The following USO1 variants were observed in gnomAD, a reference collection of about 807,000 sequenced individuals.
The protein encoded by USO1 is general vesicular transport factor p115.
In USO1, 57 loss-of-function variants were observed where a neutral mutation model predicts 124.5. The ratio of observed to expected loss-of-function variants is 0.46; its 90% CI spans 0.37 to 0.57. The LOEUF (loss-of-function observed/expected upper bound fraction) is 0.57, where lower values mean the gene tolerates loss of function less well. Ranked by LOEUF, USO1 falls within the 20% of genes least tolerant of loss-of-function variation. USO1 has a pLI of 0.00. For synonymous variants in USO1, 369 were observed against 362.8 expected (o/e 1.02, Z -0.19); for missense variants, 900 against 1,040.6 (o/e 0.86, Z 1.86).
Position 75,810,441 on chromosome 4 carries a change from G to T in USO1, c.2485G>T (p.Val829Phe). The change falls in exon 22 of 24, where the codon GTT (valine) becomes TTT (phenylalanine). Residue 829 changes from valine to phenylalanine, a missense_variant. Around this residue, in one of 2 missense-constraint regions of USO1, gnomAD observed 362 missense variants for 359.0 expected, o/e 1.01. Coordinates refer to ENST00000514213, the MANE Select transcript of USO1 (RefSeq NM_003715.4). Reference sequence around the variant, plus strand: ...CAATTTCTAATTTCAGGCAAAATCAGTTGAGGTACAAGGAGAGACCGAGAC... The same window carrying T: ...CAATTTCTAATTTCAGGCAAAATCATTTGAGGTACAAGGAGAGACCGAGAC... ...LQKTEAFAKS[V>F]EVQGETETII... The T allele has an allele frequency of 6.2e-7, 1 of 1,606,994 alleles. No homozygotes were observed. Among genetic ancestry groups the T allele is most frequent in the Admixed American group, 1.7e-5 (1 of 58,552 alleles).
intron 21 of USO1, 124 bp downstream of exon 21, chr4:75,809,175 CGG>C (rs1366327093): frequency 5.6e-4 from 63 of 111,624 alleles, no homozygotes; most frequent in Non-Finnish European, 9.1e-4. Flanking sequence ...ACTTACTAGC[CGG>C]TATTCTAGTA....
chr4:75,790,323 T>C, intron 11 of USO1, 85 bp downstream of exon 11: 1 of 1,456,166 alleles, frequency 6.9e-7, no homozygotes. Context: ...TCTTACTCTT[T>C]TTAAAGAAGT....
At chr4:75,781,408 G>A (rs1481573836) in intron 8 of USO1, among the ~76,000 whole-genome samples, 1 of 152,198 alleles carries the variant, frequency 6.6e-6, no homozygotes, top group Non-Finnish European at 1.5e-5. Flanking sequence ...ATAAAGCAGT[G>A]TCAGGGTTTG....
chr4:75,800,248 TTTC>T, intron 14 of USO1, 100 bp from the exon 15 acceptor site: 8 of 1,360,326 alleles, frequency 5.9e-6, no homozygotes, highest in Non-Finnish European at 5.9e-6. Context: ...ATATATGGAA[TTTC>T]TTATGGGAAC....
chr4:75,813,231 C>A lies in USO1; in HGVS notation c.2825C>A (p.Ser942Tyr). 1 of 1,610,392 alleles carries A rather than the reference C, an allele frequency of 6.2e-7. No individual in the cohort carries two copies. The highest frequency in any genetic ancestry group is 1.1e-5 in the South Asian group (1 of 90,242). ...HPVEEEDELE[S>Y]GDQEDEDDES... ...GTTGAAGAAGAGGATGAACTTGAAT[C>A]TGGAGACCAAGAGGATGAGGATGAT... Residue 942 changes from serine (S) to tyrosine (Y), a missense_variant, in exon 24 of 24, where the codon TCT becomes TAT. By Grantham distance (144) the Ser-to-Tyr change is moderately radical. Around this residue, in one of 2 missense-constraint regions of USO1, gnomAD observed 362 missense variants for 359.0 expected, o/e 1.01. Coordinates refer to ENST00000514213, the MANE Select transcript of USO1 (RefSeq NM_003715.4).
intron 1 of USO1, among the ~76,000 whole-genome samples, chr4:75,740,159 C>A (rs1298120355): frequency 1.3e-5 from 2 of 152,092 alleles, no homozygotes; most frequent in Non-Finnish European, 2.9e-5. Context: ...CATAGTGACA[C>A]CTCATCTCTA....
Position 75,800,705 on chromosome 4 carries a change from T to C in USO1, c.1770T>C (p.Tyr590=). 1 of 1,610,704 alleles carries C rather than the reference T, an allele frequency of 6.2e-7. No individual in the cohort carries two copies. The highest frequency in any genetic ancestry group is 8.5e-7 in the Non-Finnish European group (1 of 1,179,068). The change falls in exon 16 of 24, where the codon TAT becomes TAC. Residue 590 remains tyrosine (Y), a synonymous_variant. Coordinates refer to ENST00000514213, the MANE Select transcript of USO1 (RefSeq NM_003715.4). ...GATTTATTAGCAAACATGAGTTGTA[T>C]TCCAGAGCATCTCAGAAACCCCAGC... The part of the protein sequence containing the change: ...KLGFISKHEL[Y]SRASQKPQPN...
At chr4:75,733,757 G>C (rs1720706487) in intron 1 of USO1, among the ~76,000 whole-genome samples, 1 of 151,912 alleles carries the variant, frequency 6.6e-6, no homozygotes, top group Non-Finnish European at 1.5e-5. Context: ...TTTTCTCCCA[G>C]GTTATAAGTT....
In USO1 at chr4:75,810,470, A is replaced by T. The variant is rs753361866; in HGVS notation, c.2514A>T (p.Ile838=). ...SVEVQGETET[I]IATKTTDVEG... ...AGGTACAAGGAGAGACCGAGACTATAATAGCCACCAAAACTACTGATGTAG... is the reference window on the plus strand; with the variant it reads ...AGGTACAAGGAGAGACCGAGACTATTATAGCCACCAAAACTACTGATGTAG... Residue 838 remains isoleucine (I), a synonymous_variant, in exon 22 of 24, where the codon ATA becomes ATT. Coordinates refer to ENST00000514213, the MANE Select transcript of USO1 (RefSeq NM_003715.4). The T allele has an allele frequency of 6.2e-7, 1 of 1,613,098 alleles. No individual in the cohort carries two copies. Among genetic ancestry groups the T allele is most frequent in the East Asian group, 2.2e-5 (1 of 44,792 alleles).
At chr4:75,757,272 A>G (rs1721474913) in intron 3 of USO1, among the ~76,000 whole-genome samples, 1 of 152,112 alleles carries the variant, frequency 6.6e-6, no homozygotes, top group Non-Finnish European at 1.5e-5. Flanking sequence ...CCTTATATGT[A>G]TGAATTTGCC....
intron 12 of USO1, 113 bp downstream of exon 12, chr4:75,790,910 A>AG: frequency 1.6e-6 from 2 of 1,218,948 alleles, no homozygotes; most frequent in African/African-American, 1.6e-5. Flanking sequence ...TGCTTAGGAG[A>AG]GAAAAAAAAA....
At chr4:75,795,168 C>A (rs1488659045) in intron 13 of USO1, among the ~76,000 whole-genome samples, 2 of 152,116 alleles carry the variant, frequency 1.3e-5, no homozygotes, top group African/African-American at 4.8e-5. Flanking sequence ...CTAAATGTAT[C>A]CTCTAACTTT....
chr4:75,753,557 A>G (rs1721347721), intron 3 of USO1, among the ~76,000 whole-genome samples: 1 of 151,278 alleles, frequency 6.6e-6, no homozygotes, highest in South Asian at 2.1e-4. Context: ...AAGATAAATA[A>G]TAAAATAAAA....
chr4:75,792,446 A>T (rs1172199711), intron 12 of USO1, among the ~76,000 whole-genome samples: 1 of 152,220 alleles, frequency 6.6e-6, no homozygotes, highest in Non-Finnish European at 1.5e-5. Flanking sequence ...CTGAGGCAGG[A>T]GAATCGCTTG....
At chr4:75,761,659 A>G (rs1721612070) in intron 4 of USO1, among the ~76,000 whole-genome samples, 1 of 152,070 alleles carries the variant, frequency 6.6e-6, no homozygotes, top group African/African-American at 2.4e-5. Flanking sequence ...TTTAAGTTTC[A>G]TTTACTTTTA....
chr4:75,774,899 A>T, intron 8 of USO1, 103 bp downstream of exon 8: 6 of 1,412,494 alleles, frequency 4.2e-6, no homozygotes, highest in East Asian at 5.1e-5. Flanking sequence ...TCTTATTTAT[A>T]CTCTTTGTTT....
intron 1 of USO1, among the ~76,000 whole-genome samples, chr4:75,731,575 AAT>A (rs1164274909): frequency 6.6e-6 from 1 of 152,138 alleles, no homozygotes; most frequent in East Asian, 1.9e-4. Flanking sequence ...AAAAAAAAAA[AAT>A]GACTTTTGTA....
intron 10 of USO1, among the ~76,000 whole-genome samples, chr4:75,787,775 A>T (rs775164907): frequency 1.3e-5 from 2 of 152,126 alleles, no homozygotes; most frequent in Non-Finnish European, 2.9e-5. Context: ...ATGTCACCTC[A>T]TAATTATTTT....
intron 1 of USO1, among the ~76,000 whole-genome samples, chr4:75,738,150 T>A (rs1030471868): frequency 2.2e-4 from 33 of 151,878 alleles, no homozygotes; most frequent in African/African-American, 8.0e-4. Flanking sequence ...TATTATTTTT[T>A]AAAATTCTAT....
Sources: allele counts gnomAD v4.1 joint callset (sites outside exome capture counted in the v4.1 genomes callset), GRCh38; gene constraint gnomAD v4.1.1; regional missense constraint gnomAD v4.1.1; transcripts MANE v1.5; gene names NCBI Gene and HGNC (gene_info 2026-07-23, HGNC 2026-07-21).